JAKMIP2: variants seen among roughly 807,000 people sequenced by gnomAD.
JAKMIP2 encodes janus kinase and microtubule interacting protein 2.
JAKMIP2 carries 25 observed loss-of-function variants against 115.0 expected under a neutral mutation model. The observed-to-expected ratio is 0.22, with a 90% confidence interval of 0.16 to 0.30. JAKMIP2 has a LOEUF of 0.30. Ranked by LOEUF, JAKMIP2 falls within the 10% of genes least tolerant of loss-of-function variation. JAKMIP2 has a pLI of 1.00. For missense variants in JAKMIP2, 642 were observed against 957.6 expected (o/e 0.67, Z 4.35); for synonymous variants, 334 against 343.6 (o/e 0.97, Z 0.31).
intron 1 of JAKMIP2, among the ~76,000 whole-genome samples, chr5:147,733,501 C>T (rs1753806590): frequency 6.6e-6 from 1 of 152,124 alleles, no homozygotes; most frequent in Non-Finnish European, 1.5e-5. Context: ...TTCTGGGATA[C>T]ATGTGCAGAA....
chr5:147,673,931 A>G (rs1759776345), intron 1 of JAKMIP2, among the ~76,000 whole-genome samples: 1 of 152,100 alleles, frequency 6.6e-6, no homozygotes, highest in Non-Finnish European at 1.5e-5. Flanking sequence ...CTACGTAGTT[A>G]TGACCCACAG....
chr5:147,641,817 T>C (rs898836788), intron 7 of JAKMIP2, 53 bp from the exon 8 acceptor site: 12 of 1,429,196 alleles, frequency 8.4e-6, no homozygotes, highest in East Asian at 4.5e-5. Flanking sequence ...TGTTTCTTTA[T>C]AGTTTTTTGC....
chr5:147,640,316 T>C (rs1194552923), intron 9 of JAKMIP2, among the ~76,000 whole-genome samples: 1 of 152,186 alleles, frequency 6.6e-6, no homozygotes, highest in Non-Finnish European at 1.5e-5. Context: ...GGACTTTTCA[T>C]TGTAACTGAG....
At chr5:147,662,665 G>GCA (rs1347424497) in intron 2 of JAKMIP2, among the ~76,000 whole-genome samples, 5 of 151,204 alleles carry the variant, frequency 3.3e-5, no homozygotes, top group African/African-American at 4.9e-5. Flanking sequence ...ACCCCCGCAT[G>GCA]CACACACACA....
At chr5:147,687,850 A>T (rs1171228282) in intron 1 of JAKMIP2, among the ~76,000 whole-genome samples, 1 of 152,212 alleles carries the variant, frequency 6.6e-6, no homozygotes, top group African/African-American at 2.4e-5. Context: ...AAACAAATTC[A>T]TGAAGTAGGT....
At chr5:147,713,690 A>G (rs1752864956) in intron 1 of JAKMIP2, among the ~76,000 whole-genome samples, 1 of 152,210 alleles carries the variant, frequency 6.6e-6, no homozygotes, top group Admixed American at 6.5e-5. Flanking sequence ...AGCCAAGAAC[A>G]TAGAGCACTC....
intron 3 of JAKMIP2, among the ~76,000 whole-genome samples, chr5:147,654,746 T>C (rs1376047365): frequency 1.3e-5 from 2 of 152,204 alleles, no homozygotes; most frequent in Admixed American, 1.3e-4. Context: ...CTTCCAATGC[T>C]ATGTTGACTA....
At chr5:147,655,938 A>C (rs1758652352) in intron 3 of JAKMIP2, among the ~76,000 whole-genome samples, 1 of 152,000 alleles carries the variant, frequency 6.6e-6, no homozygotes. Context: ...TTTCTGCCTT[A>C]ATTTTGTTAT....
intron 11 of JAKMIP2, 139 bp downstream of exon 11, chr5:147,636,826 G>C (rs1339356399): frequency 1.3e-6 from 1 of 763,054 alleles, no homozygotes. Context: ...GTACAGAGTT[G>C]AACATTCTAA....
At chr5:147,759,874 G>A (rs1250296836) in intron 1 of JAKMIP2, among the ~76,000 whole-genome samples, 1 of 152,084 alleles carries the variant, frequency 6.6e-6, no homozygotes, top group East Asian at 1.9e-4. Context: ...AGAGAAGCAG[G>A]TAGTCCCAGT....
chr5:147,656,881 G>A (rs1045954718), intron 3 of JAKMIP2, among the ~76,000 whole-genome samples: 1 of 152,072 alleles, frequency 6.6e-6, no homozygotes, highest in African/African-American at 2.4e-5. Context: ...AGCAGGCCTG[G>A]TGGTGATAAA....
At chr5:147,628,513 T>TTA (rs1233721051) in intron 16 of JAKMIP2, among the ~76,000 whole-genome samples, 5 of 152,178 alleles carry the variant, frequency 3.3e-5, no homozygotes, top group African/African-American at 1.2e-4. Context: ...TTTTAAAAAA[T>TTA]TATATATATT....
At chr5:147,737,870 G>C (rs1043940662) in intron 1 of JAKMIP2, among the ~76,000 whole-genome samples, 3 of 152,184 alleles carry the variant, frequency 2.0e-5, no homozygotes, top group Non-Finnish European at 2.9e-5. Context: ...AAGATGGTAA[G>C]TGTCTTAGTA....
intron 1 of JAKMIP2, among the ~76,000 whole-genome samples, chr5:147,764,947 G>GAAAGAAAGAAAGAAAAGAAA (rs1561582569): frequency 2.7e-5 from 1 of 36,580 alleles, no homozygotes; most frequent in African/African-American, 1.5e-4. Flanking sequence ...AGAGAGAGAG[G>GAAAGAAAGAAAGAAAAGAAA]GAGAGAGAGA....
chr5:147,689,224 G>A (rs887298977), intron 1 of JAKMIP2, among the ~76,000 whole-genome samples: 7 of 152,170 alleles, frequency 4.6e-5, no homozygotes, highest in Non-Finnish European at 1.0e-4. Flanking sequence ...CAGCCAAAGA[G>A]AGGGCAGACA....
At chr5:147,697,715 T>C (rs1286054368) in intron 1 of JAKMIP2, among the ~76,000 whole-genome samples, 1 of 152,166 alleles carries the variant, frequency 6.6e-6, no homozygotes, top group Non-Finnish European at 1.5e-5. Flanking sequence ...TTCCACATAA[T>C]GATGAGCCTG....
intron 3 of JAKMIP2, among the ~76,000 whole-genome samples, chr5:147,659,581 G>C (rs1486224284): frequency 2.0e-5 from 3 of 152,170 alleles, no homozygotes; most frequent in African/African-American, 7.2e-5. Flanking sequence ...AGCAGATCAA[G>C]TGGATATACT....
intron 20 of JAKMIP2, among the ~76,000 whole-genome samples, chr5:147,602,661 T>G (rs1755767563): frequency 6.6e-6 from 1 of 152,226 alleles, no homozygotes; most frequent in South Asian, 2.1e-4. Flanking sequence ...AACCGTATAC[T>G]AACTATAAAA....
At position 147,719,264 on chromosome 5, in the gene JAKMIP2, C is replaced by G. The variant is rs530857505; in HGVS notation, c.-148-47310G>C. Among the ~76,000 whole-genome samples, 278 of 134,058 alleles carry G rather than the reference C, an allele frequency of 2.1e-3. 1 individual carries two copies. Among genetic ancestry groups the G allele is most frequent in the African/African-American group, 8.2e-3 (264 of 32,168 alleles). The allele number at this position is 134,058 out of a possible 152,430, so 87.9% of individuals were successfully genotyped here. ...ACATTTGCTGAGGAGAGCTTTACTT[C>G]CAACTATGTGGTCAATTTTGGAATA... On this transcript the variant is annotated intron_variant, in intron 1 of 21. Transcript: ENST00000616793.
Sources: gnomAD v4.1 joint callset for allele counts (sites outside exome capture counted in the v4.1 genomes callset) on GRCh38, gnomAD v4.1.1 for gene constraint, MANE v1.5 for transcripts, NCBI Gene and HGNC (gene_info 2026-07-23, HGNC 2026-07-21) for gene names.